Variants in MARK1 observed in about 807,000 individuals in gnomAD.
MARK1 encodes the protein serine/threonine-protein kinase MARK1.
MARK1 carries 40 observed loss-of-function variants against 96.3 expected under a neutral mutation model. That is an observed-to-expected ratio of 0.42 (90% confidence interval 0.32 to 0.54). The LOEUF is 0.54. Among genes scored for constraint, MARK1 ranks in the 20% least tolerant of loss-of-function variants. The pLI, the probability that MARK1 is intolerant of heterozygous loss-of-function variation, is 0.16. For synonymous variants in MARK1, 317 were observed against 341.2 expected, an observed-to-expected ratio of 0.93 and a Z score of 0.78; for missense variants, 719 against 984.6, an observed-to-expected ratio of 0.73 and a Z score of 3.61.
chr1:220,613,834 C>G (rs554505296), intron 6 of MARK1, among the ~76,000 whole-genome samples: 94 of 152,158 alleles, frequency 6.2e-4, no homozygotes, highest in Non-Finnish European at 1.1e-3. Flanking sequence ...CCAAGAACAT[C>G]TAGTGGTTCT....
chr1:220,650,729 C>G lies in MARK1; in HGVS notation c.1571+9C>G. 6.3e-7 allele frequency: 1 copy of G among 1,594,724 alleles called. No individual in the cohort carries two copies. Among genetic ancestry groups the G allele is most frequent in the Non-Finnish European group, 8.6e-7 (1 of 1,162,970 alleles). On this transcript the variant is annotated intron_variant, in intron 14 of 17. Transcript: ENST00000366917. ...AATGGAAAAGACAGCAGGTAAATGC[C>G]ACAGTGCCAAGTAGTAATACCTTTG...
At chr1:220,598,719 C>T (rs1244668458) in intron 4 of MARK1, among the ~76,000 whole-genome samples, 2 of 151,808 alleles carry the variant, frequency 1.3e-5, no homozygotes, top group Non-Finnish European at 2.9e-5. Flanking sequence ...TCTGGCCGGG[C>T]GTGGTGGCTT....
At position 220,654,133 on chromosome 1, in the gene MARK1, CA is replaced by C. The variant is rs1669047579; in HGVS notation, c.1988+784del. ...TTCTTATAGTCTTGTAAGAAGCAGA[CA>C]AACAACTAGCCATGATATAAAGCAG... On this transcript the variant is annotated intron_variant, in intron 16 of 17. Transcript: ENST00000366917. This position sits in a 1 kb window ranked among gnomAD's most constrained non-coding sequence, Gnocchi z 4.0. Among the ~76,000 whole-genome samples, 1 of 152,104 alleles carries C rather than the reference CA, an allele frequency of 6.6e-6. No homozygotes were observed. Among genetic ancestry groups the C allele is most frequent in the African/African-American group, 2.4e-5 (1 of 41,424 alleles).
chr1:220,533,764 G>T (rs1660488309), intron 1 of MARK1, among the ~76,000 whole-genome samples: 2 of 151,976 alleles, frequency 1.3e-5, no homozygotes. Context: ...ATCAGTTATG[G>T]GAATGTACCA....
chr1:220,615,437 T>C (rs527662756), intron 6 of MARK1, among the ~76,000 whole-genome samples: 3 of 152,318 alleles, frequency 2.0e-5, no homozygotes, highest in African/African-American at 4.8e-5. Context: ...CAGATAAATA[T>C]AGATATTGCT....
At chr1:220,571,817 G>C (rs1375172203) in intron 1 of MARK1, 1 of 152,058 alleles carries the variant, frequency 6.6e-6, no homozygotes, top group Admixed American at 6.6e-5. Context: ...TGATCAGCAC[G>C]GGTGTTTTTA....
chr1:220,657,623 C>T lies in MARK1; in HGVS notation c.1989-167C>T, dbSNP rs41274800. Among the ~76,000 whole-genome samples, 210 of 152,110 alleles carry T rather than the reference C, an allele frequency of 1.4e-3. 1 individual carries two copies. The highest frequency in any genetic ancestry group is 1.8e-3 in the Non-Finnish European group (124 of 67,994). On this transcript the variant is annotated intron_variant, in intron 16 of 17. Coordinates refer to ENST00000366917, the MANE Select transcript of MARK1 (RefSeq NM_018650.5). ...CGCTCAATAAATGATAAATTACATGCGGTTATGGTGAAAAATATGAGAAAT... is the reference window on the plus strand; with the variant it reads ...CGCTCAATAAATGATAAATTACATGTGGTTATGGTGAAAAATATGAGAAAT...
intron 11 of MARK1, among the ~76,000 whole-genome samples, chr1:220,633,155 A>G (rs967421061): frequency 4.6e-5 from 7 of 152,212 alleles, no homozygotes; most frequent in African/African-American, 1.4e-4. Context: ...GCACCAGGCC[A>G]TTCATGAAGT....
intron 5 of MARK1, among the ~76,000 whole-genome samples, chr1:220,603,042 G>T (rs1381751500): frequency 6.6e-6 from 1 of 151,882 alleles, no homozygotes; most frequent in Non-Finnish European, 1.5e-5. Flanking sequence ...AGTACTTAGG[G>T]CTAAAACAAA....
chr1:220,546,865 G>A (rs980782564), intron 1 of MARK1, among the ~76,000 whole-genome samples: 2 of 151,960 alleles, frequency 1.3e-5, no homozygotes, highest in Non-Finnish European at 2.9e-5. Flanking sequence ...CCAGCTACTC[G>A]GGAGGCTGAG....
At chr1:220,628,237 C>T (rs1328474425) in intron 9 of MARK1, among the ~76,000 whole-genome samples, 2 of 152,158 alleles carry the variant, frequency 1.3e-5, no homozygotes, top group African/African-American at 4.8e-5. Flanking sequence ...TCCTTTTCCT[C>T]AGCTTTTATA....
chr1:220,657,924 A>G, intron 17 of MARK1, 90 bp downstream of exon 17: 1 of 917,602 alleles, frequency 1.1e-6, no homozygotes, highest in Non-Finnish European at 1.5e-6. Context: ...GATCATGAAT[A>G]GATCTAATAA....
intron 1 of MARK1, among the ~76,000 whole-genome samples, chr1:220,561,338 A>G (rs1007845772): frequency 6.6e-6 from 1 of 152,142 alleles, no homozygotes; most frequent in Admixed American, 6.5e-5. Flanking sequence ...ACAAATTTGT[A>G]AACTTTCTTA....
chr1:220,587,988 C>T (rs192298620), intron 3 of MARK1, among the ~76,000 whole-genome samples: 10 of 152,184 alleles, frequency 6.6e-5, no homozygotes, highest in African/African-American at 1.9e-4. Context: ...GTAGTTGTAC[C>T]GATTTTTACT....
At chr1:220,609,183 A>C (rs922797615) in intron 6 of MARK1, among the ~76,000 whole-genome samples, 5 of 151,918 alleles carry the variant, frequency 3.3e-5, no homozygotes, top group African/African-American at 1.2e-4. Flanking sequence ...ATTGTGTGGG[A>C]GTCTTAAGTC....
At chr1:220,546,716 T>C (rs1425847305) in intron 1 of MARK1, among the ~76,000 whole-genome samples, 2 of 152,240 alleles carry the variant, frequency 1.3e-5, no homozygotes, top group African/African-American at 2.4e-5. Context: ...CTCACGCCTG[T>C]AATCCTGGCA....
intron 1 of MARK1, among the ~76,000 whole-genome samples, chr1:220,540,254 A>G (rs1218778763): frequency 6.6e-6 from 1 of 152,212 alleles, no homozygotes; most frequent in Non-Finnish European, 1.5e-5. Flanking sequence ...AAAACCAGTG[A>G]TATAATTTAG....
At chr1:220,570,543 T>C (rs1019329876) in intron 1 of MARK1, among the ~76,000 whole-genome samples, 2 of 152,154 alleles carry the variant, frequency 1.3e-5, no homozygotes, top group Non-Finnish European at 2.9e-5. Context: ...CACTTAGTAC[T>C]ACTCTATGTT....
chr1:220,662,011 G>T lies in MARK1; in HGVS notation c.2233G>T (p.Gly745Ter). Reference sequence around the variant, plus strand: ...GAGATTTTTGCTTTTCTGTGTCCATGGAGACGCTAGACAGGATAGCCTCGT... The same window carrying T: ...GAGATTTTTGCTTTTCTGTGTCCATTGAGACGCTAGACAGGATAGCCTCGT... ...KERFLLFCVHGDARQDSLVQW... is the reference protein window; with the variant it reads ...KERFLLFCVH The change falls in exon 18 of 18, where the codon GGA (glycine) becomes TGA (stop). Residue 745 changes from glycine (G) to a stop codon, truncating the protein, a stop_gained. Coordinates refer to ENST00000366917, the MANE Select transcript of MARK1 (RefSeq NM_018650.5). LOFTEE classifies it high-confidence loss of function. The T allele has an allele frequency of 1.2e-6, 2 of 1,614,224 alleles. No homozygotes were observed. The highest frequency in any genetic ancestry group is 1.6e-4 in the Middle Eastern group (1 of 6,062).
Sources: gnomAD v4.1 joint callset for allele counts (sites outside exome capture counted in the v4.1 genomes callset) on GRCh38, gnomAD v4.1.1 for gene constraint, Gnocchi (gnomAD v3.1) non-coding constraint, MANE v1.5 for transcripts, NCBI Gene and HGNC (gene_info 2026-07-23, HGNC 2026-07-21) for gene names.